Variants in MEGF6 observed in about 807,000 individuals in gnomAD.
MEGF6 encodes the protein multiple EGF like domains 6, also known as multiple epidermal growth factor-like domains protein 6.
In MEGF6, 184 loss-of-function variants were observed where a neutral mutation model predicts 207.1. The observed-to-expected ratio is 0.89, with a 90% CI of 0.79 to 1.00. The LOEUF (loss-of-function observed/expected upper bound fraction) is 1.00, where lower values mean the gene tolerates loss of function less well. Among genes scored for constraint, MEGF6 ranks in the 50% least tolerant of loss-of-function variants. The pLI is 0.00. For synonymous variants in MEGF6, 1,038 were observed against 910.0 expected (o/e 1.14, Z -2.53); for missense variants, 2,282 against 2,202.9 (o/e 1.04, Z -0.72).
At chr1:3,510,036 G>A in intron 10 of MEGF6, 44 bp from the exon 11 acceptor site, 1 of 1,557,322 alleles carries the variant, frequency 6.4e-7, no homozygotes, top group Non-Finnish European at 8.6e-7. Context: ...TCCCAGGTGG[G>A]GAACCAGGAA....
At chr1:3,582,591 A>G (rs1264593573) in intron 3 of MEGF6, among the ~76,000 whole-genome samples, 4 of 152,064 alleles carry the variant, frequency 2.6e-5, no homozygotes, top group African/African-American at 9.7e-5. Context: ...TACAACTCAG[A>G]TCTTGGTTCC....
chr1:3,605,977 G>A lies in MEGF6; in HGVS notation c.132-3377C>T, dbSNP rs565932820. On this transcript the variant is annotated intron_variant, in intron 1 of 36. Coordinates refer to ENST00000356575, the MANE Select transcript of MEGF6 (RefSeq NM_001409.4). ...TGAAGATCCCTCCCCAACCCCTCCC[G>A]GGACAGTGCCACCCTGTCCTCCTCC... 8.5e-5 allele frequency among the ~76,000 whole-genome samples: 13 copies of A among 152,166 alleles called. No individual in the cohort carries two copies. In the South Asian group the frequency reaches 2.3e-3, roughly 27 times the overall value.
At chr1:3,566,265 C>T (rs2101668076) in intron 4 of MEGF6, among the ~76,000 whole-genome samples, 1 of 152,342 alleles carries the variant, frequency 6.6e-6, no homozygotes, top group Admixed American at 6.5e-5. Context: ...AGAACAGATT[C>T]CAGAAGCACG....
chr1:3,502,110 C>G, intron 17 of MEGF6, among the ~76,000 whole-genome samples, 189 bp from the exon 18 acceptor site: 1 of 17,362 alleles, frequency 5.8e-5, no homozygotes, highest in Non-Finnish European at 1.1e-4. Context: ...CACATGGGCT[C>G]TGGCTCTAGC....
At chr1:3,588,536 C>CCAGGAGGGGGCAGGAGGGGG (rs1172993400) in intron 3 of MEGF6, among the ~76,000 whole-genome samples, 1 of 51,106 alleles carries the variant, frequency 2.0e-5, no homozygotes, top group Non-Finnish European at 3.9e-5. Flanking sequence ...CCAGGAGTGG[C>CCAGGAGGGGGCAGGAGGGGG]CAGGAGGGGG....
rs1423711750 is a variant in MEGF6 at position 3,488,464 on chromosome 1, G to C, written c.*2064C>G. The stretch of plus-strand genomic sequence containing the variant: ...CTCTCTGAATTCCTAGGCCATTTGG[G>C]AACTGTGGTGACTGAATATCTCAGA... On this transcript the variant is annotated 3_prime_UTR_variant, in exon 37 of 37. Transcript: ENST00000356575. Among the ~76,000 whole-genome samples the C allele has an allele frequency of 6.6e-6, 1 of 152,190 alleles. No homozygotes were observed. The highest frequency in any genetic ancestry group is 1.5e-5 in the Non-Finnish European group (1 of 68,036).
At chr1:3,581,920 C>T (rs1445222741) in intron 3 of MEGF6, among the ~76,000 whole-genome samples, 1 of 152,056 alleles carries the variant, frequency 6.6e-6, no homozygotes, top group African/African-American at 2.4e-5. Flanking sequence ...AAACCCCATA[C>T]CATTCCCTCC....
intron 31 of MEGF6, 43 bp from the exon 32 acceptor site, chr1:3,494,542 G>T: frequency 6.4e-7 from 1 of 1,570,148 alleles, no homozygotes; most frequent in South Asian, 1.2e-5. Context: ...CACCAGCCTT[G>T]CCCAGCCCTA....
intron 12 of MEGF6, 54 bp downstream of exon 12, chr1:3,509,021 C>T (rs868445223): frequency 1.8e-5 from 26 of 1,463,724 alleles, no homozygotes; most frequent in African/African-American, 2.9e-5. Context: ...CCCGAGGGGT[C>T]GCTGGCTGCT....
At chr1:3,493,118 C>T (rs1288579271) in intron 34 of MEGF6, 1 of 317,002 alleles carries the variant, frequency 3.2e-6, no homozygotes, top group Non-Finnish European at 5.9e-6. Context: ...AGCCACAAGG[C>T]CAGGTAAGCA....
At chr1:3,541,457 T>C (rs923251303) in intron 4 of MEGF6, among the ~76,000 whole-genome samples, 1 of 152,112 alleles carries the variant, frequency 6.6e-6, no homozygotes, top group African/African-American at 2.4e-5. Flanking sequence ...CACAGGAAGG[T>C]CAGAGAAAAA....
chr1:3,604,661 A>G (rs746510315), intron 1 of MEGF6, among the ~76,000 whole-genome samples: 2 of 152,024 alleles, frequency 1.3e-5, no homozygotes, highest in African/African-American at 4.8e-5. Flanking sequence ...CTGACATTAC[A>G]TCATCGAATC....
At chr1:3,529,499 C>T (rs979570742) in intron 4 of MEGF6, among the ~76,000 whole-genome samples, 2 of 152,226 alleles carry the variant, frequency 1.3e-5, no homozygotes, top group Admixed American at 6.5e-5. Context: ...GCTCAGAGAG[C>T]GGCTATTTTA....
At chr1:3,513,132 G>A (rs954565404) in intron 7 of MEGF6, among the ~76,000 whole-genome samples, 5 of 152,176 alleles carry the variant, frequency 3.3e-5, no homozygotes, top group South Asian at 4.1e-4. Flanking sequence ...CATCCCATAC[G>A]TCTAGGTGTT....
At chr1:3,536,652 G>A (rs962582131) in intron 4 of MEGF6, among the ~76,000 whole-genome samples, 1 of 152,196 alleles carries the variant, frequency 6.6e-6, no homozygotes, top group African/African-American at 2.4e-5. Flanking sequence ...TGGAAACGCA[G>A]CCGGCGTCTG....
intron 21 of MEGF6, among the ~76,000 whole-genome samples, 190 bp downstream of exon 21, chr1:3,500,443 C>T (rs963854981): frequency 4.6e-5 from 7 of 152,322 alleles, no homozygotes; most frequent in Admixed American, 3.3e-4. Flanking sequence ...AGGGCCCAGC[C>T]GCAGTGCGCA....
chr1:3,497,461 A>T, intron 26 of MEGF6, 100 bp from the exon 27 acceptor site: 2 of 1,345,204 alleles, frequency 1.5e-6, no homozygotes, highest in Non-Finnish European at 2.0e-6. Context: ...CGACCCACCC[A>T]ATGCTGGCTG....
intron 8 of MEGF6, 84 bp from the exon 9 acceptor site, chr1:3,511,771 C>G (rs1641355360): frequency 4.5e-6 from 7 of 1,542,536 alleles, no homozygotes; most frequent in Non-Finnish European, 6.1e-6. Context: ...CTCCACCCAG[C>G]AGCCAGCCTC....
chr1:3,494,344 G>T, intron 32 of MEGF6, 27 bp downstream of exon 32: 1 of 1,531,550 alleles, frequency 6.5e-7, no homozygotes. Context: ...AGGGGCCCCA[G>T]CCCAGCTGCA....
Sources: gnomAD v4.1 joint callset for allele counts (sites outside exome capture counted in the v4.1 genomes callset) on GRCh38, gnomAD v4.1.1 for gene constraint, MANE v1.5 for transcripts, NCBI Gene and HGNC (gene_info 2026-07-23, HGNC 2026-07-21) for gene names.